CPEB2: variants seen among roughly 807,000 people sequenced by gnomAD.
The protein encoded by CPEB2 is cytoplasmic polyadenylation element binding protein 2.
In CPEB2, 56 loss-of-function variants were observed where a neutral mutation model predicts 93.6. The observed-to-expected ratio is 0.60, with a 90% CI of 0.48 to 0.75. The LOEUF (loss-of-function observed/expected upper bound fraction) is 0.75, where lower values mean the gene tolerates loss of function less well. Among genes scored for constraint, CPEB2 ranks in the 30% least tolerant of loss-of-function variants. The pLI, the probability that CPEB2 is intolerant of heterozygous loss-of-function variation, is 0.00. For missense variants in CPEB2, 1,579 were observed against 1,395.1 expected, an observed-to-expected ratio of 1.13 and a Z score of -2.10; for synonymous variants, 764 against 586.3, an observed-to-expected ratio of 1.30 and a Z score of -4.38.
chr4:15,015,290 C>T (rs975676419), intron 3 of CPEB2, among the ~76,000 whole-genome samples: 1 of 151,982 alleles, frequency 6.6e-6, no homozygotes, highest in African/African-American at 2.4e-5. Flanking sequence ...ATTCTTTGTG[C>T]CTCCATCACT....
intron 6 of CPEB2, among the ~76,000 whole-genome samples, chr4:15,047,576 T>A (rs975220512): frequency 2.0e-5 from 3 of 152,114 alleles, no homozygotes; most frequent in Non-Finnish European, 4.4e-5. Context: ...AGAAATAATT[T>A]GGTTTTTGTA....
chr4:15,023,726 T>C (rs1050590541), intron 4 of CPEB2, among the ~76,000 whole-genome samples: 2 of 151,808 alleles, frequency 1.3e-5, no homozygotes, highest in Non-Finnish European at 2.9e-5. Context: ...AGATTCCTGC[T>C]CCTTACTGGT....
Position 15,002,575 on chromosome 4 carries a change from C to T in CPEB2, c.-99C>T, listed in dbSNP as rs1456327919. ...CACGGTGTCCCTCTCTCACTGACTCCCCCTCCTTCCACCACGGCCGCGCAA... is the reference window on the plus strand; with the variant it reads ...CACGGTGTCCCTCTCTCACTGACTCTCCCTCCTTCCACCACGGCCGCGCAA... On this transcript the variant is annotated 5_prime_UTR_variant, in exon 1 of 12. Transcript: ENST00000538197. 5.1e-6 allele frequency: 5 copies of T among 986,782 alleles called. No homozygotes were observed. The highest frequency in any genetic ancestry group is 6.1e-5 in the Admixed American group (2 of 32,880). 61.1% of individuals were successfully genotyped at this position (986,782 alleles called of 1,614,324 possible).
In CPEB2 at chr4:15,022,509, T is replaced by G. The variant is rs184142803; in HGVS notation, c.2125+5231T>G. On this transcript the variant is annotated intron_variant, in intron 4 of 11. Transcript: ENST00000538197. ...TAGATACATATCTATGTATCTAATA[T>G]ATATATGCATTCAGTTTTAAATGAA... Among the ~76,000 whole-genome samples, 289 of 152,204 alleles carry G rather than the reference T, an allele frequency of 1.9e-3. 1 individual carries two copies. Among genetic ancestry groups the G allele is most frequent in the Non-Finnish European group, 2.9e-3 (198 of 67,982 alleles).
At chr4:15,036,255 C>A (rs1322817336) in intron 5 of CPEB2, among the ~76,000 whole-genome samples, 3 of 152,094 alleles carry the variant, frequency 2.0e-5, no homozygotes, top group Admixed American at 6.6e-5. Flanking sequence ...AATAAAAAAA[C>A]CATATAAATA....
At chr4:15,056,219 C>G (rs918395068) in intron 8 of CPEB2, among the ~76,000 whole-genome samples, 37 of 152,008 alleles carry the variant, frequency 2.4e-4, no homozygotes, top group African/African-American at 8.7e-4. Context: ...TGGGGGAAAG[C>G]TTCACTGAGA....
At chr4:15,050,198 A>C (rs1728095106) in intron 6 of CPEB2, among the ~76,000 whole-genome samples, 1 of 152,188 alleles carries the variant, frequency 6.6e-6, no homozygotes, top group Admixed American at 6.5e-5. Context: ...ACCTCCTGTC[A>C]GATCAGCAGT....
chr4:15,025,255 T>G (rs1725324523), intron 4 of CPEB2, among the ~76,000 whole-genome samples: 1 of 152,154 alleles, frequency 6.6e-6, no homozygotes, highest in Non-Finnish European at 1.5e-5. Context: ...TCTCAGAACT[T>G]TCAATTACAT....
At chr4:15,019,234 A>G (rs1222625620) in intron 4 of CPEB2, among the ~76,000 whole-genome samples, 1 of 151,912 alleles carries the variant, frequency 6.6e-6, no homozygotes, top group Non-Finnish European at 1.5e-5. Context: ...AAATAAAAAA[A>G]TAAGACTGAT....
chr4:15,004,220 C>A lies in CPEB2; in HGVS notation c.1547C>A (p.Ala516Glu). The A allele has an allele frequency of 6.7e-7, 1 of 1,492,488 alleles. No individual in the cohort carries two copies. The highest frequency in any genetic ancestry group is 1.3e-5 in the South Asian group (1 of 79,818). The allele number at this position is 1,492,488 out of a possible 1,614,324, so 92.5% of individuals were successfully genotyped here. ...NIPQQQPPPP[A>E]APQQPQSRRS... ...CCTCAACAGCAGCCCCCGCCGCCCG[C>A]GGCGCCGCAGCAGCCGCAGAGCCGG... The change falls in exon 1 of 12, where the codon GCG (alanine) becomes GAG (glutamate). Residue 516 changes from alanine (A) to glutamate (E), a missense_variant. Physicochemically the swap from Ala to Glu is moderately radical, Grantham distance 107. Transcript: ENST00000538197.
At chr4:15,025,243 A>G (rs1343254401) in intron 4 of CPEB2, among the ~76,000 whole-genome samples, 2 of 152,110 alleles carry the variant, frequency 1.3e-5, no homozygotes, top group African/African-American at 4.8e-5. Context: ...CTTTAAAAAA[A>G]TTCTCAGAAC....
In CPEB2 at chr4:15,003,177, G is replaced by A. The variant is rs1005379260; in HGVS notation, c.504G>A (p.Lys168=). ...CCTCCTCCCCGCAGGACTTCAGTAAGCGGCAGCAGCAGCAGCTGAGCAGCC... is the reference window on the plus strand; with the variant it reads ...CCTCCTCCCCGCAGGACTTCAGTAAACGGCAGCAGCAGCAGCTGAGCAGCC... ...CRTSSPQDFS[K]RQQQQLSSQK... The change falls in exon 1 of 12, where the codon AAG becomes AAA. Residue 168 remains lysine, a synonymous_variant. Coordinates refer to ENST00000538197, the MANE Select transcript of CPEB2 (RefSeq NM_001177382.2). The A allele has an allele frequency of 7.8e-6, 12 of 1,533,802 alleles. No individual in the cohort carries two copies. Among genetic ancestry groups the A allele is most frequent in the Non-Finnish European group, 1.0e-5 (12 of 1,146,166 alleles).
chr4:15,003,111 C>T lies in CPEB2; in HGVS notation c.438C>T (p.His146=). 6.5e-7 allele frequency: 1 copy of T among 1,533,396 alleles called. No individual in the cohort carries two copies. Among genetic ancestry groups the T allele is most frequent in the Non-Finnish European group, 8.7e-7 (1 of 1,145,920 alleles). 95.0% of individuals were successfully genotyped at this position (1,533,396 alleles called of 1,614,324 possible). The change falls in exon 1 of 12, where the codon CAC becomes CAT. Residue 146 remains histidine (H), a synonymous_variant. Transcript: ENST00000538197. ...PSQDFKPSLH[H]PSSSSASSCC... is the part of the protein sequence containing the mutation. ...AGGACTTCAAACCGAGTCTGCACCA[C>T]CCCTCCTCCTCCTCCGCCTCCTCCT... is the stretch of plus-strand genomic sequence containing the variant.
chr4:15,063,610 CAG>C (rs1267458767), intron 11 of CPEB2: 1 of 152,168 alleles, frequency 6.6e-6, no homozygotes, highest in Non-Finnish European at 1.5e-5. Flanking sequence ...AGACCGCTAA[CAG>C]AGAGGTGATA....
At chr4:15,009,679 A>G (rs1277125444) in intron 3 of CPEB2, among the ~76,000 whole-genome samples, 2 of 152,206 alleles carry the variant, frequency 1.3e-5, no homozygotes, top group African/African-American at 4.8e-5. Flanking sequence ...TCTGTGCAGA[A>G]AGAAGCAATA....
At chr4:15,020,551 C>A (rs1231069720) in intron 4 of CPEB2, among the ~76,000 whole-genome samples, 1 of 152,064 alleles carries the variant, frequency 6.6e-6, no homozygotes, top group African/African-American at 2.4e-5. Flanking sequence ...TTTCCTACTC[C>A]CCAGTGTTTT....
chr4:15,028,083 T>A (rs1725672418), intron 4 of CPEB2, among the ~76,000 whole-genome samples: 1 of 152,206 alleles, frequency 6.6e-6, no homozygotes, highest in African/African-American at 2.4e-5. Flanking sequence ...TAGAAACAAT[T>A]GGCAGAGCAC....
At chr4:15,025,319 A>T (rs1725331842) in intron 4 of CPEB2, among the ~76,000 whole-genome samples, 1 of 152,014 alleles carries the variant, frequency 6.6e-6, no homozygotes, top group African/African-American at 2.4e-5. Context: ...GTGTTTGAAG[A>T]TTATTTTCCC....
intron 4 of CPEB2, chr4:15,017,710 G>A (rs563710626): frequency 6.6e-6 from 1 of 151,724 alleles, no homozygotes; most frequent in Non-Finnish European, 1.5e-5. Context: ...GTTTTGAAAG[G>A]GGGGGGAGTA....
Sources: gnomAD v4.1 joint callset for allele counts (sites outside exome capture counted in the v4.1 genomes callset) on GRCh38, gnomAD v4.1.1 for gene constraint, MANE v1.5 for transcripts, NCBI Gene and HGNC (gene_info 2026-07-23, HGNC 2026-07-21) for gene names.